Variants in TMEM178B observed in about 807,000 individuals in gnomAD.
TMEM178B encodes transmembrane protein 178B.
In TMEM178B, 5 loss-of-function variants were observed where a neutral mutation model predicts 31.0. That is an observed-to-expected ratio of 0.16 (90% CI 0.08 to 0.34). TMEM178B has a LOEUF of 0.34. Among genes scored for constraint, TMEM178B ranks in the 10% least tolerant of loss-of-function variants. TMEM178B has a pLI of 1.00. For synonymous variants in TMEM178B, 164 were observed against 164.0 expected (o/e 1.00, Z 0.00); for missense variants, 275 against 400.3 (o/e 0.69, Z 2.67).
intron 3 of TMEM178B, among the ~76,000 whole-genome samples, 182 bp downstream of exon 3, chr7:141,437,927 G>A (rs1197553283): frequency 2.6e-5 from 4 of 152,212 alleles, no homozygotes; most frequent in Admixed American, 1.3e-4. Flanking sequence ...TGCACCAGCT[G>A]TTGGGGATAC....
At chr7:141,396,756 A>G (rs1292015036) in intron 2 of TMEM178B, among the ~76,000 whole-genome samples, 2 of 152,204 alleles carry the variant, frequency 1.3e-5, no homozygotes, top group African/African-American at 4.8e-5. Flanking sequence ...AGATGTCCAC[A>G]TGAGCCCAGA....
chr7:141,340,009 C>A (rs181497962), intron 2 of TMEM178B, among the ~76,000 whole-genome samples: 167 of 152,324 alleles, frequency 1.1e-3, no homozygotes, highest in African/African-American at 3.9e-3. Context: ...AGAATAATGA[C>A]CCTCTGTCAA....
At chr7:141,231,140 G>A (rs561105524) in intron 2 of TMEM178B, among the ~76,000 whole-genome samples, 1 of 152,318 alleles carries the variant, frequency 6.6e-6, no homozygotes, top group African/African-American at 2.4e-5. Flanking sequence ...GAACTCCCAA[G>A]AGGACTGAGA....
chr7:141,175,596 A>T (rs184834135), intron 1 of TMEM178B, among the ~76,000 whole-genome samples: 12 of 152,340 alleles, frequency 7.9e-5, no homozygotes, highest in Middle Eastern at 3.4e-3. Flanking sequence ...ATCCATGAGC[A>T]TATAATGTTT....
intron 2 of TMEM178B, among the ~76,000 whole-genome samples, chr7:141,410,315 C>T (rs990987777): frequency 6.6e-6 from 1 of 152,222 alleles, no homozygotes; most frequent in Non-Finnish European, 1.5e-5. Flanking sequence ...ACAAAACTCC[C>T]TGAACAGACG....
chr7:141,267,265 C>T (rs533841591), intron 2 of TMEM178B, among the ~76,000 whole-genome samples: 1 of 152,300 alleles, frequency 6.6e-6, no homozygotes, highest in East Asian at 1.9e-4. Flanking sequence ...CCTGTCTATC[C>T]TGACAAGGCC....
chr7:141,191,219 G>A (rs912385507), intron 1 of TMEM178B, among the ~76,000 whole-genome samples: 1 of 152,180 alleles, frequency 6.6e-6, no homozygotes, highest in Non-Finnish European at 1.5e-5. Context: ...TTAAGTGGCT[G>A]TATTGCCTTC....
chr7:141,391,900 G>A (rs776840672), intron 2 of TMEM178B, among the ~76,000 whole-genome samples: 8 of 152,158 alleles, frequency 5.3e-5, no homozygotes, highest in Middle Eastern at 3.2e-3. Flanking sequence ...TTATATGTGC[G>A]TGCCCCATTT....
chr7:141,257,519 A>G (rs767526237), intron 2 of TMEM178B, among the ~76,000 whole-genome samples: 4 of 152,176 alleles, frequency 2.6e-5, no homozygotes, highest in Non-Finnish European at 4.4e-5. Flanking sequence ...TAAGAGCTGA[A>G]TGACCATTGA....
intron 1 of TMEM178B, among the ~76,000 whole-genome samples, chr7:141,152,346 G>A (rs143336293): frequency 5.5e-4 from 83 of 152,288 alleles, no homozygotes; most frequent in African/African-American, 1.9e-3. Flanking sequence ...GGTGGGCACC[G>A]TCTCTGGGAG....
intron 1 of TMEM178B, among the ~76,000 whole-genome samples, chr7:141,080,606 C>T (rs751737074): frequency 8.6e-5 from 13 of 152,034 alleles, no homozygotes; most frequent in South Asian, 2.1e-4. Flanking sequence ...GGTGATAGAG[C>T]GAGACTCCAT....
intron 1 of TMEM178B, among the ~76,000 whole-genome samples, chr7:141,100,222 T>A (rs905000414): frequency 2.1e-4 from 32 of 151,790 alleles, no homozygotes; most frequent in African/African-American, 3.1e-4. Context: ...TTTTTTTTTT[T>A]AAATAAGTAA....
chr7:141,392,553 A>T (rs772510972), intron 2 of TMEM178B, among the ~76,000 whole-genome samples: 9 of 152,176 alleles, frequency 5.9e-5, no homozygotes, highest in Non-Finnish European at 1.2e-4. Flanking sequence ...CATTGCCATG[A>T]TCACATCCAA....
Position 141,145,050 on chromosome 7 carries a change from C to T in TMEM178B, c.383-67541C>T, listed in dbSNP as rs745601612. Among the ~76,000 whole-genome samples, 101 of 152,180 alleles carry T rather than the reference C, an allele frequency of 6.6e-4. 4 individuals carry two copies. Among genetic ancestry groups the T allele is most frequent in the Non-Finnish European group, 4.4e-4 (30 of 68,024 alleles). ...TAATTACTTTTCTGAGGAAATTATT[C>T]TAAGGTCACTTTTGGTTGCATACTG... On this transcript the variant is annotated intron_variant, in intron 1 of 3. Coordinates refer to ENST00000565468, the MANE Select transcript of TMEM178B (RefSeq NM_001195278.2).
chr7:141,490,727 G>C, the TMEM178B span, among the ~76,000 whole-genome samples: 2 of 152,158 alleles, frequency 1.3e-5, no homozygotes, highest in African/African-American at 4.8e-5. Context: ...TTATGGAGAT[G>C]GGTCTCCTAA....
At chr7:141,411,512 C>T (rs763170388) in intron 2 of TMEM178B, among the ~76,000 whole-genome samples, 2 of 152,046 alleles carry the variant, frequency 1.3e-5, no homozygotes, top group Non-Finnish European at 2.9e-5. Flanking sequence ...TTGTAAAAAA[C>T]CAAAAAATGT....
intron 2 of TMEM178B, among the ~76,000 whole-genome samples, chr7:141,412,146 G>A (rs946420697): frequency 1.9e-4 from 29 of 152,078 alleles, no homozygotes; most frequent in African/African-American, 6.5e-4. Flanking sequence ...ACATAGGGCA[G>A]GGCGTCCCTC....
At chr7:141,314,163 C>T (rs1798960981) in intron 2 of TMEM178B, among the ~76,000 whole-genome samples, 1 of 152,212 alleles carries the variant, frequency 6.6e-6, no homozygotes, top group African/African-American at 2.4e-5. Context: ...TCTCTCATCT[C>T]TCTCCTTCTT....
At chr7:141,248,639 G>T (rs9791813) in intron 2 of TMEM178B, among the ~76,000 whole-genome samples, 82,065 of 151,960 alleles carry the variant, frequency 0.54, 23,089 homozygotes, top group East Asian at 0.8. Context: ...TTTGTATATC[G>T]AAATATAGAA....
Sources: allele counts gnomAD v4.1 joint callset (sites outside exome capture counted in the v4.1 genomes callset), GRCh38; gene constraint gnomAD v4.1.1; transcripts MANE v1.5; gene names NCBI Gene and HGNC (gene_info 2026-07-23, HGNC 2026-07-21).